Variants in PTPRD observed in about 807,000 individuals in gnomAD.
PTPRD encodes receptor-type tyrosine-protein phosphatase delta.
A neutral mutation model predicts 214.5 loss-of-function variants in PTPRD; 34 were observed. That is an observed-to-expected ratio of 0.16 (90% CI 0.12 to 0.21). The LOEUF (loss-of-function observed/expected upper bound fraction) is 0.21, where lower values mean the gene tolerates loss of function less well. Among genes scored for constraint, PTPRD ranks in the 10% least tolerant of loss-of-function variants. PTPRD has a pLI of 1.00. For missense variants in PTPRD, 2,545 were observed against 2,398.7 expected (o/e 1.06, Z -1.27); for synonymous variants, 1,128 against 845.7 (o/e 1.33, Z -5.79).
intron 2 of PTPRD, among the ~76,000 whole-genome samples, chr9:10,527,757 C>A (rs575970697): frequency 6.6e-6 from 1 of 152,024 alleles, no homozygotes; most frequent in Non-Finnish European, 1.5e-5. Context: ...GTTTATGTAA[C>A]AAGTAGAGCC....
At chr9:9,105,858 A>G (rs778100767) in intron 10 of PTPRD, among the ~76,000 whole-genome samples, 8 of 152,074 alleles carry the variant, frequency 5.3e-5, no homozygotes, top group African/African-American at 1.9e-4. Context: ...TTTTAACTGT[A>G]AAGAAAAGAA....
At chr9:9,317,826 A>G (rs1281391585) in intron 9 of PTPRD, among the ~76,000 whole-genome samples, 1 of 152,138 alleles carries the variant, frequency 6.6e-6, no homozygotes, top group Non-Finnish European at 1.5e-5. Flanking sequence ...CTGATAGATT[A>G]TGTGCATTTT....
chr9:9,916,332 A>T (rs552864254), intron 5 of PTPRD, among the ~76,000 whole-genome samples: 1 of 151,964 alleles, frequency 6.6e-6, no homozygotes, highest in South Asian at 2.1e-4. Flanking sequence ...GAATAAAACC[A>T]TATCACTATA....
At chr9:8,576,473 T>A (rs989287508) in intron 14 of PTPRD, among the ~76,000 whole-genome samples, 1 of 152,150 alleles carries the variant, frequency 6.6e-6, no homozygotes, top group Non-Finnish European at 1.5e-5. Flanking sequence ...GCTTCACATT[T>A]TGGTTGTATT....
intron 3 of PTPRD, among the ~76,000 whole-genome samples, chr9:10,214,983 T>A (rs547002724): frequency 1.2e-4 from 19 of 152,116 alleles, no homozygotes; most frequent in African/African-American, 4.6e-4. Context: ...AAGTGCTGAA[T>A]GAGATATTTC....
At chr9:9,743,185 T>A (rs2098421843) in intron 6 of PTPRD, among the ~76,000 whole-genome samples, 1 of 152,154 alleles carries the variant, frequency 6.6e-6, no homozygotes, top group Non-Finnish European at 1.5e-5. Flanking sequence ...ATGATAAAAA[T>A]GCATTCATAA....
At chr9:9,687,076 T>G (rs1395911760) in intron 7 of PTPRD, among the ~76,000 whole-genome samples, 2 of 151,730 alleles carry the variant, frequency 1.3e-5, no homozygotes, top group Non-Finnish European at 2.9e-5. Flanking sequence ...AAAAAAGGTA[T>G]TCAGTAAGTA....
chr9:8,487,250 G>T (rs1022192661), intron 27 of PTPRD, among the ~76,000 whole-genome samples: 1 of 152,068 alleles, frequency 6.6e-6, no homozygotes, highest in Non-Finnish European at 1.5e-5. Flanking sequence ...TATGGTGAAA[G>T]GCTAGCTTCC....
intron 5 of PTPRD, among the ~76,000 whole-genome samples, chr9:9,828,015 A>G (rs1470642687): frequency 6.6e-6 from 1 of 152,130 alleles, no homozygotes; most frequent in African/African-American, 2.4e-5. Flanking sequence ...CAGGTGCTGG[A>G]GAGGATGTGG....
chr9:9,346,750 T>A (rs1274724270), intron 9 of PTPRD, among the ~76,000 whole-genome samples: 1 of 152,062 alleles, frequency 6.6e-6, no homozygotes, highest in Non-Finnish European at 1.5e-5. Context: ...TGGAGTGCAA[T>A]GGCTCTATCT....
chr9:9,125,896 C>A (rs540728103), intron 10 of PTPRD, among the ~76,000 whole-genome samples: 1 of 152,246 alleles, frequency 6.6e-6, no homozygotes, highest in African/African-American at 2.4e-5. Flanking sequence ...GACCTTTGAG[C>A]TGAAACATGA....
intron 14 of PTPRD, among the ~76,000 whole-genome samples, chr9:8,538,373 G>T (rs1029611696): frequency 2.0e-5 from 3 of 151,800 alleles, no homozygotes; most frequent in Admixed American, 1.3e-4. Context: ...AAGAGACTTG[G>T]ATTTGGATCC....
intron 4 of PTPRD, among the ~76,000 whole-genome samples, chr9:10,018,739 C>T (rs200274437): frequency 2.3e-3 from 349 of 150,298 alleles, no homozygotes; most frequent in Non-Finnish European, 4.2e-3. Context: ...TTAGTAGAGA[C>T]GGGGTTTCAC....
At chr9:9,635,114 T>A (rs1468201470) in intron 7 of PTPRD, among the ~76,000 whole-genome samples, 1 of 152,234 alleles carries the variant, frequency 6.6e-6, no homozygotes, top group Non-Finnish European at 1.5e-5. Context: ...TGTCCATCTA[T>A]GGCTAAGAAG....
intron 11 of PTPRD, among the ~76,000 whole-genome samples, chr9:8,768,750 C>A (rs903268492): frequency 2.0e-5 from 3 of 152,012 alleles, no homozygotes; most frequent in African/African-American, 4.8e-5. Flanking sequence ...GTCCAAAACC[C>A]TTCATTGGAA....
Position 8,833,338 on chromosome 9 carries a change from AG to A in PTPRD, c.-103-99393del, listed in dbSNP as rs142904451. ...TGTTTGAGCACAGCTACTTTTGATA[AG>A]CCTGATATATAAAAAGTAACAGGCA... is the stretch of plus-strand genomic sequence containing the variant. On this transcript the variant is annotated intron_variant, in intron 11 of 45. Coordinates refer to ENST00000381196, the MANE Select transcript of PTPRD (RefSeq NM_002839.4). Among the ~76,000 whole-genome samples, 8 of 152,242 alleles carry A rather than the reference AG, an allele frequency of 5.3e-5. No individual in the cohort carries two copies. The East Asian group carries it at 1.5e-3, about 29-fold the overall frequency.
At chr9:8,690,301 G>A (rs945943086) in intron 12 of PTPRD, among the ~76,000 whole-genome samples, 1 of 151,906 alleles carries the variant, frequency 6.6e-6, no homozygotes, top group African/African-American at 2.4e-5. Flanking sequence ...GTCGAGGCGG[G>A]CAGATCACAA....
At chr9:9,042,002 C>T (rs2154384124) in intron 10 of PTPRD, among the ~76,000 whole-genome samples, 1 of 152,280 alleles carries the variant, frequency 6.6e-6, no homozygotes, top group African/African-American at 2.4e-5. Context: ...TGACATAAAT[C>T]CAATTCATTC....
chr9:8,584,855 G>C (rs528287293), intron 14 of PTPRD, among the ~76,000 whole-genome samples: 2 of 152,210 alleles, frequency 1.3e-5, no homozygotes, highest in Admixed American at 1.3e-4. Flanking sequence ...CGTTGGAAGC[G>C]GAAGCAAACA....
Sources: allele counts gnomAD v4.1 joint callset (sites outside exome capture counted in the v4.1 genomes callset), GRCh38; gene constraint gnomAD v4.1.1; transcripts MANE v1.5; gene names NCBI Gene and HGNC (gene_info 2026-07-23, HGNC 2026-07-21).